The following IMMT variants were observed in gnomAD, a reference collection of about 807,000 sequenced individuals.
The protein encoded by IMMT is MICOS complex subunit MIC60.
In IMMT, 40 loss-of-function variants were observed where a neutral mutation model predicts 92.7. The ratio of observed to expected loss-of-function variants is 0.43; its 90% confidence interval spans 0.34 to 0.56. The LOEUF is 0.56. Among genes scored for constraint, IMMT ranks in the 20% least tolerant of loss-of-function variants. The pLI, the probability that IMMT is intolerant of heterozygous loss-of-function variation, is 0.03. For synonymous variants in IMMT, 322 were observed against 336.1 expected, an observed-to-expected ratio of 0.96 and a Z score of 0.46; for missense variants, 831 against 912.1, an observed-to-expected ratio of 0.91 and a Z score of 1.14.
intron 1 of IMMT, among the ~76,000 whole-genome samples, chr2:86,182,569 C>T (rs1672502482): frequency 6.6e-6 from 1 of 152,184 alleles, no homozygotes; most frequent in Non-Finnish European, 1.5e-5. Flanking sequence ...GTGGCTCATG[C>T]CTGTAATCCC....
intron 12 of IMMT, among the ~76,000 whole-genome samples, chr2:86,150,659 T>C (rs1558812346): frequency 6.6e-6 from 1 of 152,078 alleles, no homozygotes. Flanking sequence ...CAGAGAAAAA[T>C]ATACTCAGAC....
chr2:86,185,446 C>G (rs571567349), intron 1 of IMMT, among the ~76,000 whole-genome samples: 1 of 152,148 alleles, frequency 6.6e-6, no homozygotes, highest in South Asian at 2.1e-4. Flanking sequence ...TTTGAGATCT[C>G]AAAAAGATCT....
chr2:86,150,085 C>T (rs1226024502), intron 12 of IMMT, among the ~76,000 whole-genome samples: 2 of 152,034 alleles, frequency 1.3e-5, no homozygotes, highest in Non-Finnish European at 2.9e-5. Context: ...GCAGATTGTT[C>T]AACTCAGTTT....
Position 86,151,537 on chromosome 2 carries a change from G to A in IMMT, c.1178-17C>T. 1 of 1,556,624 alleles carries A rather than the reference G, an allele frequency of 6.4e-7. No individual in the cohort carries two copies. Among genetic ancestry groups the A allele is most frequent in the Non-Finnish European group, 8.9e-7 (1 of 1,127,956 alleles). ...GCTTGTCAGCTAAGCAAAAGAGCAT[G>A]TTAAAATATTAATGATGTCACTGAA... On this transcript the variant is annotated splice_polypyrimidine_tract_variant and intron_variant, in intron 11 of 14. Coordinates refer to ENST00000410111, the MANE Select transcript of IMMT (RefSeq NM_006839.3).
chr2:86,192,416 TG>T (rs1366602488), intron 1 of IMMT, among the ~76,000 whole-genome samples: 1 of 152,120 alleles, frequency 6.6e-6, no homozygotes, highest in Non-Finnish European at 1.5e-5. Flanking sequence ...AAGACCAGCC[TG>T]GGAAACATAA....
chr2:86,193,259 T>C (rs543246240), intron 1 of IMMT, among the ~76,000 whole-genome samples: 2 of 151,944 alleles, frequency 1.3e-5, no homozygotes, highest in South Asian at 4.2e-4. Context: ...TTTAAAAAAT[T>C]AGCCAGGGAT....
chr2:86,162,780 G>T (rs529044847), intron 7 of IMMT, among the ~76,000 whole-genome samples: 1 of 152,242 alleles, frequency 6.6e-6, no homozygotes, highest in African/African-American at 2.4e-5. Flanking sequence ...GGAGGCGGAG[G>T]TTGCAGTGAG....
At chr2:86,194,079 G>A (rs2105778162) in intron 1 of IMMT, among the ~76,000 whole-genome samples, 1 of 152,340 alleles carries the variant, frequency 6.6e-6, no homozygotes, top group Non-Finnish European at 1.5e-5. Context: ...ACTGTAGGCA[G>A]GCTGTAGAAG....
rs371957211 is a variant in IMMT, at chr2:86,184,573, A to G, written c.46-3201T>C. ...GTTACACAGCTACAGATAACCAAAC[A>G]TATGTTTATACCTAGAAGAGGGGTG... On this transcript the variant is annotated intron_variant, in intron 1 of 14. Transcript: ENST00000410111. Among the ~76,000 whole-genome samples, 18 of 152,230 alleles carry G rather than the reference A, an allele frequency of 1.2e-4. No homozygotes were observed. The East Asian group carries it at 1.9e-3, about 16-fold the overall frequency.
Position 86,144,024 on chromosome 2 carries a change from G to T in IMMT, c.*244C>A. ...AACATTATTTTGATTGGCCTCACAAGCCTCATCAGTAAAACCTGAAAAAAC... is the reference window on the plus strand; with the variant it reads ...AACATTATTTTGATTGGCCTCACAATCCTCATCAGTAAAACCTGAAAAAAC... On this transcript the variant is annotated 3_prime_UTR_variant, in exon 15 of 15. Transcript: ENST00000410111. The T allele has an allele frequency of 1.8e-6, 1 of 566,496 alleles. No individual in the cohort carries two copies. Among genetic ancestry groups the T allele is most frequent in the Non-Finnish European group, 3.1e-6 (1 of 318,308 alleles). 35.1% of individuals were successfully genotyped at this position (566,496 alleles called of 1,614,324 possible).
intron 3 of IMMT, among the ~76,000 whole-genome samples, chr2:86,174,174 A>G (rs1183626228): frequency 6.6e-6 from 1 of 152,210 alleles, no homozygotes; most frequent in Non-Finnish European, 1.5e-5. Context: ...GAAAATACAA[A>G]TGAATTTTGT....
intron 1 of IMMT, among the ~76,000 whole-genome samples, chr2:86,185,351 A>C (rs1672702822): frequency 2.0e-5 from 3 of 152,164 alleles, no homozygotes; most frequent in Non-Finnish European, 4.4e-5. Context: ...TTCAAAAATA[A>C]AACTGCTTAT....
intron 12 of IMMT, 95 bp from the exon 13 acceptor site, chr2:86,147,928 T>G: frequency 1.6e-6 from 2 of 1,238,770 alleles, no homozygotes; most frequent in Non-Finnish European, 2.3e-6. Flanking sequence ...CAACAGCAGC[T>G]TCCATATCCT....
chr2:86,164,052 ATTTTTTTTT>A (rs540613367), intron 7 of IMMT, among the ~76,000 whole-genome samples: 1 of 63,030 alleles, frequency 1.6e-5, no homozygotes, highest in Admixed American at 2.7e-4. Context: ...CACTTTAGTC[ATTTTTTTTT>A]TTTTTTTTTT....
At chr2:86,164,115 T>C (rs1209490245) in intron 7 of IMMT, among the ~76,000 whole-genome samples, 1 of 131,296 alleles carries the variant, frequency 7.6e-6, no homozygotes, top group Non-Finnish European at 1.6e-5. Flanking sequence ...TGGAGTGCAA[T>C]GGCTCGATCT....
At chr2:86,162,356 T>C (rs1470017364) in intron 7 of IMMT, among the ~76,000 whole-genome samples, 1 of 150,684 alleles carries the variant, frequency 6.6e-6, no homozygotes, top group Non-Finnish European at 1.5e-5. Context: ...TTTTTTTTTT[T>C]AAGATTCTCA....
intron 6 of IMMT, 23 bp from the exon 7 acceptor site, chr2:86,166,667 T>G (rs1676700823): frequency 1.3e-6 from 2 of 1,570,570 alleles, no homozygotes; most frequent in Admixed American, 3.9e-5. Context: ...AAAGAACAGT[T>G]AAAAAACAAA....
chr2:86,164,385 A>G (rs989577533), intron 7 of IMMT, among the ~76,000 whole-genome samples: 1 of 151,814 alleles, frequency 6.6e-6, no homozygotes, highest in East Asian at 1.9e-4. Context: ...AATAAAATAC[A>G]TCAAGAATGT....
rs1171447303 is a variant in IMMT at position 86,144,233 on chromosome 2, C to T, written c.*35G>A. 6.2e-7 allele frequency: 1 copy of T among 1,606,476 alleles called. No individual in the cohort carries two copies. The highest frequency in any genetic ancestry group is 1.3e-5 in the African/African-American group (1 of 74,698). On this transcript the variant is annotated 3_prime_UTR_variant, in exon 15 of 15. Coordinates refer to ENST00000410111, the MANE Select transcript of IMMT (RefSeq NM_006839.3). ...ATCTATCACTGCTGATTTCCTTTGA[C>T]ATGAAATATGACTTTATGAAAATCT...
Sources: allele counts gnomAD v4.1 joint callset (sites outside exome capture counted in the v4.1 genomes callset), GRCh38; gene constraint gnomAD v4.1.1; transcripts MANE v1.5; gene names NCBI Gene and HGNC (gene_info 2026-07-23, HGNC 2026-07-21).